The following MAST4 variants were observed in gnomAD, a reference collection of about 807,000 sequenced individuals.
The protein encoded by MAST4 is microtubule-associated serine/threonine-protein kinase 4.
A neutral mutation model predicts 162.7 loss-of-function variants in MAST4; 89 were observed. The ratio of observed to expected loss-of-function variants is 0.55; its 90% CI spans 0.46 to 0.65. The LOEUF is 0.65. MAST4 is among the 30% of genes least tolerant of loss of function. The pLI is 0.00. For synonymous variants in MAST4, 1,479 were observed against 1,361.1 expected (o/e 1.09, Z -1.91); for missense variants, 3,153 against 3,374.0 (o/e 0.93, Z 1.62).
At chr5:67,025,095 A>C (rs1561545830) in intron 4 of MAST4, among the ~76,000 whole-genome samples, 1 of 152,130 alleles carries the variant, frequency 6.6e-6, no homozygotes, top group African/African-American at 2.4e-5. Context: ...TTTTTAATTA[A>C]AGATTCCATT....
chr5:67,159,960 A>T (rs1581762257), intron 26 of MAST4, among the ~76,000 whole-genome samples: 1 of 152,354 alleles, frequency 6.6e-6, no homozygotes, highest in Non-Finnish European at 1.5e-5. Flanking sequence ...GCCAAAGGAA[A>T]AACACAAAAA....
At chr5:66,858,298 C>G (rs1759835905) in intron 3 of MAST4, among the ~76,000 whole-genome samples, 2 of 152,040 alleles carry the variant, frequency 1.3e-5, no homozygotes, top group Admixed American at 1.3e-4. Context: ...AGCTACCACA[C>G]CCAGCTTTTT....
intron 4 of MAST4, among the ~76,000 whole-genome samples, chr5:67,031,782 C>T (rs116747188): frequency 0.024 from 3,643 of 152,194 alleles, 67 homozygotes; most frequent in Admixed American, 0.054. Flanking sequence ...TCCTGTCAGG[C>T]CTGTTGACCT....
At chr5:67,038,524 A>G (rs1756320581) in intron 4 of MAST4, among the ~76,000 whole-genome samples, 1 of 152,170 alleles carries the variant, frequency 6.6e-6, no homozygotes, top group African/African-American at 2.4e-5. Context: ...AAAACAAGTT[A>G]CCTTAAAACA....
At chr5:67,090,286 C>A in intron 6 of MAST4, 55 bp downstream of exon 6, 3 of 1,304,858 alleles carry the variant, frequency 2.3e-6, no homozygotes, top group South Asian at 1.2e-5. Flanking sequence ...ATCCCATTTT[C>A]CTCTCCCTCT....
At chr5:66,671,521 T>G (rs1338647291) in intron 1 of MAST4, among the ~76,000 whole-genome samples, 1 of 152,188 alleles carries the variant, frequency 6.6e-6, no homozygotes, top group African/African-American at 2.4e-5. Flanking sequence ...CTGGGAAAAT[T>G]TCCAATTCTG....
At chr5:66,677,217 TGAGA>T (rs1748005975) in intron 1 of MAST4, among the ~76,000 whole-genome samples, 1 of 152,258 alleles carries the variant, frequency 6.6e-6, no homozygotes, top group South Asian at 2.1e-4. Flanking sequence ...TAGTATTTAT[TGAGA>T]GAGATTAGCA....
At chr5:66,784,926 G>A (rs1270852145) in intron 2 of MAST4, among the ~76,000 whole-genome samples, 2 of 152,178 alleles carry the variant, frequency 1.3e-5, no homozygotes, top group African/African-American at 4.8e-5. Flanking sequence ...TAAAAACTGG[G>A]TTGCAGATTG....
intron 2 of MAST4, among the ~76,000 whole-genome samples, chr5:66,770,725 T>C (rs1379989735): frequency 1.3e-5 from 2 of 152,194 alleles, no homozygotes; most frequent in African/African-American, 4.8e-5. Flanking sequence ...CTCTTTGCTT[T>C]GATGTGTACC....
At chr5:66,664,435 C>T (rs1303966294) in intron 1 of MAST4, among the ~76,000 whole-genome samples, 1 of 93,932 alleles carries the variant, frequency 1.1e-5, no homozygotes, top group African/African-American at 4.4e-5. Context: ...AACTCCATTT[C>T]AAAAAAAAAA....
intron 3 of MAST4, among the ~76,000 whole-genome samples, chr5:66,827,521 A>G (rs566875439): frequency 4.6e-5 from 7 of 152,332 alleles, no homozygotes; most frequent in African/African-American, 1.4e-4. Context: ...AATCTAATCA[A>G]TTGAGAGCAA....
chr5:66,705,217 C>G (rs573800018), intron 1 of MAST4, among the ~76,000 whole-genome samples: 3 of 152,290 alleles, frequency 2.0e-5, no homozygotes, highest in African/African-American at 7.2e-5. Flanking sequence ...TTGAGATTAT[C>G]TAAAGACTAA....
chr5:66,843,703 T>G (rs534668369), intron 3 of MAST4, among the ~76,000 whole-genome samples: 7 of 152,246 alleles, frequency 4.6e-5, no homozygotes, highest in African/African-American at 1.7e-4. Context: ...GGGAGCCATA[T>G]CAAAAAAGAC....
At chr5:66,610,937 C>T (rs1262802178) in intron 1 of MAST4, among the ~76,000 whole-genome samples, 2 of 152,220 alleles carry the variant, frequency 1.3e-5, no homozygotes, top group African/African-American at 2.4e-5. Context: ...CTAAATGTCT[C>T]CTACTGCTTT....
At chr5:66,858,539 A>G (rs1423727891) in intron 3 of MAST4, among the ~76,000 whole-genome samples, 2 of 152,092 alleles carry the variant, frequency 1.3e-5, no homozygotes, top group African/African-American at 4.8e-5. Context: ...CAGTCTATTT[A>G]TTCATGAGTG....
At chr5:67,011,867 AGAGT>A (rs1752713438) in intron 4 of MAST4, among the ~76,000 whole-genome samples, 1 of 152,194 alleles carries the variant, frequency 6.6e-6, no homozygotes, top group African/African-American at 2.4e-5. Context: ...AAGCGAGGAA[AGAGT>A]GAGAGAGAAG....
At chr5:67,058,139 G>A (rs914921219) in intron 5 of MAST4, among the ~76,000 whole-genome samples, 4 of 152,142 alleles carry the variant, frequency 2.6e-5, no homozygotes, top group African/African-American at 9.7e-5. Context: ...GGAGGCTGAG[G>A]TGAGAGGATC....
intron 4 of MAST4, among the ~76,000 whole-genome samples, chr5:67,000,654 A>G (rs1751174586): frequency 6.6e-6 from 1 of 151,404 alleles, no homozygotes; most frequent in Non-Finnish European, 1.5e-5. Flanking sequence ...AGGCTGAGGC[A>G]GGAGAATCGC....
chr5:66,894,943 C>A (rs144688349), intron 3 of MAST4, among the ~76,000 whole-genome samples: 49 of 152,204 alleles, frequency 3.2e-4, no homozygotes, highest in African/African-American at 1.1e-3. Flanking sequence ...CCTCACAGGA[C>A]ACCTGTGAGG....
Sources: allele counts gnomAD v4.1 joint callset (sites outside exome capture counted in the v4.1 genomes callset), GRCh38; gene constraint gnomAD v4.1.1; transcripts MANE v1.5; gene names NCBI Gene and HGNC (gene_info 2026-07-23, HGNC 2026-07-21).